The following RNF130 variants were observed in gnomAD, a reference collection of about 807,000 sequenced individuals.
The protein encoded by RNF130 is E3 ubiquitin-protein ligase RNF130.
Under a neutral mutation model 44.6 loss-of-function variants are expected in RNF130, and 21 were observed. That is an observed-to-expected ratio of 0.47 (90% CI 0.33 to 0.68). RNF130 has a LOEUF of 0.68. RNF130 is among the 30% of genes least tolerant of loss of function. RNF130 has a pLI of 0.02. For missense variants in RNF130, 479 were observed against 560.6 expected (o/e 0.85, Z 1.47); for synonymous variants, 214 against 210.4 (o/e 1.02, Z -0.15).
intron 6 of RNF130, among the ~76,000 whole-genome samples, chr5:179,968,107 A>G (rs1284037944): frequency 6.6e-6 from 1 of 151,564 alleles, no homozygotes; most frequent in South Asian, 2.1e-4. Context: ...CATCCTGGCT[A>G]ACACGGTGAA....
intron 2 of RNF130, among the ~76,000 whole-genome samples, chr5:180,036,600 T>G (rs1420549259): frequency 6.6e-6 from 1 of 152,228 alleles, no homozygotes; most frequent in African/African-American, 2.4e-5. Flanking sequence ...GTCCCTTCAT[T>G]AATATCCAGA....
intron 5 of RNF130, among the ~76,000 whole-genome samples, chr5:179,971,841 T>C (rs1762594216): frequency 1.3e-5 from 2 of 152,218 alleles, no homozygotes. Flanking sequence ...GAACAAACAT[T>C]CATGCTTACA....
chr5:179,912,808 G>A (rs1761486293), exon 8 of RNF130: 1 of 152,268 alleles, frequency 6.6e-6, no homozygotes, highest in African/African-American at 2.4e-5. Flanking sequence ...ATCACATAGT[G>A]TAAATATACT....
intron 7 of RNF130, chr5:179,963,819 G>A (rs1341693878): frequency 4.2e-6 from 2 of 478,554 alleles, no homozygotes; most frequent in Non-Finnish European, 7.6e-6. Flanking sequence ...AGGTCTGTGA[G>A]GAGTGTAGCC....
intron 2 of RNF130, among the ~76,000 whole-genome samples, chr5:180,029,849 CCT>C (rs1764086147): frequency 1.3e-5 from 1 of 76,672 alleles, no homozygotes; most frequent in Admixed American, 1.5e-4. Context: ...CCACTATCCA[CCT>C]CTTTTTTTTT....
At chr5:179,962,120 G>A (rs1416808010) in intron 8 of RNF130, among the ~76,000 whole-genome samples, 3 of 152,200 alleles carry the variant, frequency 2.0e-5, no homozygotes, top group Non-Finnish European at 4.4e-5. Flanking sequence ...AATTAGGTGC[G>A]CCATGCTGAA....
At chr5:179,978,816 T>G (rs913031299) in intron 4 of RNF130, among the ~76,000 whole-genome samples, 1 of 152,220 alleles carries the variant, frequency 6.6e-6, no homozygotes, top group Admixed American at 6.5e-5. Context: ...TTGGCTCAAT[T>G]CAATACTCGG....
chr5:179,948,675 A>G (rs1762081584), intron 7 of RNF130, among the ~76,000 whole-genome samples: 1 of 152,160 alleles, frequency 6.6e-6, no homozygotes, highest in Admixed American at 6.5e-5. Flanking sequence ...ACTCTGTCTC[A>G]AAAAAAGAGA....
chr5:179,932,780 A>G (rs1294691170), intron 7 of RNF130, among the ~76,000 whole-genome samples: 3 of 151,872 alleles, frequency 2.0e-5, no homozygotes, highest in Admixed American at 6.6e-5. Context: ...GGATTGCAGT[A>G]AGCTGAGATT....
chr5:180,030,379 G>A (rs753351841), intron 2 of RNF130, among the ~76,000 whole-genome samples: 1 of 152,044 alleles, frequency 6.6e-6, no homozygotes, highest in Non-Finnish European at 1.5e-5. Context: ...CCTTAATGAG[G>A]TATAATTTAC....
At chr5:180,008,054 C>A (rs1162446331) in intron 3 of RNF130, among the ~76,000 whole-genome samples, 1 of 148,576 alleles carries the variant, frequency 6.7e-6, no homozygotes, top group African/African-American at 2.5e-5. Flanking sequence ...GGTGGGCTGC[C>A]TGGGGCCCTC....
chr5:179,963,018 C>T (rs1047516167), intron 8 of RNF130, among the ~76,000 whole-genome samples: 2 of 152,242 alleles, frequency 1.3e-5, no homozygotes, highest in African/African-American at 4.8e-5. Context: ...TTCTTTCCTG[C>T]AGGCCAAGTA....
chr5:179,991,630 T>C (rs1561683385), intron 3 of RNF130, among the ~76,000 whole-genome samples: 2 of 152,178 alleles, frequency 1.3e-5, no homozygotes, highest in Admixed American at 6.5e-5. Context: ...TCTAGATCAG[T>C]GGCCCCCAAC....
At chr5:180,064,553 T>A (rs1030730922) in intron 1 of RNF130, among the ~76,000 whole-genome samples, 16 of 152,230 alleles carry the variant, frequency 1.1e-4, no homozygotes, top group African/African-American at 3.9e-4. Flanking sequence ...ATATATGATG[T>A]CACTAATTAG....
At chr5:179,954,898 C>G (rs1762179263), downstream of RNF130, among the ~76,000 whole-genome samples, 1 of 152,196 alleles carries the variant, frequency 6.6e-6, no homozygotes, top group Non-Finnish European at 1.5e-5. Flanking sequence ...TTCGATGTAA[C>G]AAAGTATTTT....
intron 1 of RNF130, among the ~76,000 whole-genome samples, 196 bp from the exon 2 acceptor site, chr5:180,040,843 C>G (rs1031392222): frequency 6.6e-6 from 1 of 152,096 alleles, no homozygotes; most frequent in African/African-American, 2.4e-5. Flanking sequence ...CTCCATGGGA[C>G]GGTTACCTAT....
intron 1 of RNF130, among the ~76,000 whole-genome samples, chr5:180,043,132 CAT>C (rs774506964): frequency 2.6e-5 from 4 of 152,098 alleles, no homozygotes; most frequent in Non-Finnish European, 5.9e-5. Flanking sequence ...AGCCTGGGCA[CAT>C]AGTAAGACCC....
chr5:180,051,437 G>GA (rs2113160145), intron 1 of RNF130, among the ~76,000 whole-genome samples: 1 of 152,024 alleles, frequency 6.6e-6, no homozygotes, highest in East Asian at 2.0e-4. Context: ...TTTTAGTAGA[G>GA]ACGGGGTTTC....
At chr5:180,033,237 C>T (rs1232294287) in intron 2 of RNF130, among the ~76,000 whole-genome samples, 1 of 152,174 alleles carries the variant, frequency 6.6e-6, no homozygotes, top group African/African-American at 2.4e-5. Context: ...CCTCCTTGGC[C>T]TCCCAAAGTG....
Sources: allele counts gnomAD v4.1 joint callset (sites outside exome capture counted in the v4.1 genomes callset), GRCh38; gene constraint gnomAD v4.1.1; transcripts MANE v1.5; gene names NCBI Gene and HGNC (gene_info 2026-07-23, HGNC 2026-07-21).